Variants in TAFA2 observed in about 807,000 individuals in gnomAD.
TAFA2 encodes chemokine-like protein TAFA-2.
A neutral mutation model predicts 18.8 loss-of-function variants in TAFA2; 7 were observed. That is an observed-to-expected ratio of 0.37 (90% CI 0.21 to 0.70). TAFA2 has a LOEUF of 0.70. Ranked by LOEUF, TAFA2 falls within the 30% of genes least tolerant of loss-of-function variation. TAFA2 has a pLI of 0.53. For synonymous variants in TAFA2, 60 were observed against 54.2 expected, an observed-to-expected ratio of 1.11 and a Z score of -0.47; for missense variants, 122 against 158.1, an observed-to-expected ratio of 0.77 and a Z score of 1.23.
intron 2 of TAFA2, among the ~76,000 whole-genome samples, chr12:61,837,387 G>A (rs1187075799): frequency 6.6e-6 from 1 of 151,846 alleles, no homozygotes; most frequent in Non-Finnish European, 1.5e-5. Flanking sequence ...TTGTTCTTTA[G>A]AGACATCATA....
rs145257432 is a variant in TAFA2, at chr12:62,075,695, C to T, written c.-2+115564G>A. The stretch of plus-strand genomic sequence containing the variant: ...ACATACACGCATATATATATACATA[C>T]GCACACATATATATTGTTTTATGGT... On this transcript the variant is annotated intron_variant, in intron 1 of 4. Transcript: ENST00000416284. Among the ~76,000 whole-genome samples, 287 of 152,292 alleles carry T rather than the reference C, an allele frequency of 1.9e-3. 2 individuals are homozygous for T. The Middle Eastern group carries it at 0.02, about 11-fold the overall frequency.
intron 1 of TAFA2, among the ~76,000 whole-genome samples, chr12:62,249,792 T>G (rs926217035): frequency 6.6e-6 from 1 of 152,184 alleles, no homozygotes. Context: ...CTTTTTTCTT[T>G]AAGAGCAAGA....
At chr12:62,013,209 A>G (rs941751240) in intron 1 of TAFA2, among the ~76,000 whole-genome samples, 10 of 152,192 alleles carry the variant, frequency 6.6e-5, no homozygotes, top group African/African-American at 2.4e-4. Flanking sequence ...TACTACATGG[A>G]ATTCAGTGAG....
At chr12:61,857,227 G>A (rs1873921917) in intron 2 of TAFA2, among the ~76,000 whole-genome samples, 2 of 151,764 alleles carry the variant, frequency 1.3e-5, no homozygotes, top group Admixed American at 6.6e-5. Flanking sequence ...ACATTGAGTT[G>A]GCAAATAAAT....
At chr12:62,167,030 A>G (rs1234519773) in intron 1 of TAFA2, among the ~76,000 whole-genome samples, 1 of 152,190 alleles carries the variant, frequency 6.6e-6, no homozygotes, top group African/African-American at 2.4e-5. Context: ...CGATGTTTCC[A>G]TATGCCACAA....
rs11174187 is a variant in TAFA2 at position 61,822,255 on chromosome 12, G to A, written c.106+45065C>T. On this transcript the variant is annotated intron_variant, in intron 2 of 4. Coordinates refer to ENST00000416284, the MANE Select transcript of TAFA2 (RefSeq NM_178539.5). ...AAATATTGAGAAGTAGTTCTCTCAC[G>A]TCTAAATCTTGTAACCTGAGCACCG... Among the ~76,000 whole-genome samples, 1,418 of 152,096 alleles carry A rather than the reference G, an allele frequency of 9.3e-3. 17 individuals are homozygous for A. Among genetic ancestry groups the A allele is most frequent in the East Asian group, 0.056 (290 of 5,164 alleles).
intron 1 of TAFA2, among the ~76,000 whole-genome samples, chr12:62,230,512 T>C (rs902654921): frequency 1.3e-5 from 2 of 152,240 alleles, no homozygotes. Context: ...ATGATTTCTA[T>C]GGTTTTCAAA....
At chr12:62,126,405 G>A (rs372814663) in intron 1 of TAFA2, among the ~76,000 whole-genome samples, 2 of 152,072 alleles carry the variant, frequency 1.3e-5, no homozygotes, top group Middle Eastern at 3.2e-3. Flanking sequence ...AGCTGTTCAG[G>A]AATGTTTTTA....
Position 61,874,038 on chromosome 12 carries a change from T to G in TAFA2, c.-1-6612A>C, listed in dbSNP as rs567984267. On this transcript the variant is annotated intron_variant, in intron 1 of 4. Transcript: ENST00000416284. ...GGTGGTTGATTTTAATCATTTTAATTACTACAGTTTTTCTTTTCACTTCAT... is the reference window on the plus strand; with the variant it reads ...GGTGGTTGATTTTAATCATTTTAATGACTACAGTTTTTCTTTTCACTTCAT... 2.9e-3 allele frequency among the ~76,000 whole-genome samples: 449 copies of G among 152,304 alleles called. 3 individuals are homozygous for G. Among genetic ancestry groups the G allele is most frequent in the Non-Finnish European group, 4.5e-3 (306 of 67,980 alleles).
intron 2 of TAFA2, among the ~76,000 whole-genome samples, chr12:61,769,902 G>A (rs1368450112): frequency 6.6e-6 from 1 of 152,072 alleles, no homozygotes; most frequent in Admixed American, 6.6e-5. Flanking sequence ...TATCTGGATT[G>A]CCAGAAAAAG....
At chr12:61,740,233 A>G (rs1211596967) in intron 4 of TAFA2, among the ~76,000 whole-genome samples, 4 of 152,046 alleles carry the variant, frequency 2.6e-5, no homozygotes, top group Non-Finnish European at 5.9e-5. Context: ...ACAGGAACAG[A>G]AAACCAAAAC....
At chr12:61,966,080 A>G (rs968533897) in intron 1 of TAFA2, among the ~76,000 whole-genome samples, 1 of 151,838 alleles carries the variant, frequency 6.6e-6, no homozygotes, top group Admixed American at 6.6e-5. Flanking sequence ...AGGAACTGCC[A>G]TACTATTTTC....
chr12:62,167,868 A>T (rs73315684), intron 1 of TAFA2, among the ~76,000 whole-genome samples: 2,661 of 152,252 alleles, frequency 0.017, 85 homozygotes, highest in African/African-American at 0.061. Context: ...AAAGACTCAC[A>T]ACCCAACTTG....
intron 1 of TAFA2, among the ~76,000 whole-genome samples, chr12:62,179,639 C>A (rs1161021183): frequency 4.6e-5 from 7 of 152,148 alleles, no homozygotes; most frequent in Non-Finnish European, 8.8e-5. Context: ...TATGGTCTTA[C>A]TTCAGTGCAT....
At chr12:61,975,614 A>C (rs1365536527) in intron 1 of TAFA2, among the ~76,000 whole-genome samples, 1 of 150,742 alleles carries the variant, frequency 6.6e-6, no homozygotes, top group African/African-American at 2.4e-5. Flanking sequence ...GCTATTGTGA[A>C]TAATGCTGCA....
chr12:62,064,768 C>G (rs1882443682), intron 1 of TAFA2, among the ~76,000 whole-genome samples: 1 of 152,000 alleles, frequency 6.6e-6, no homozygotes, highest in African/African-American at 2.4e-5. Context: ...ATGTATTAAT[C>G]CATCTGCAAA....
chr12:61,715,209 T>G (rs1312181049), intron 4 of TAFA2, among the ~76,000 whole-genome samples: 1 of 152,228 alleles, frequency 6.6e-6, no homozygotes, highest in Non-Finnish European at 1.5e-5. Context: ...CTGTTGCTTA[T>G]AGTGATTCAT....
chr12:61,995,800 T>C (rs1392866295), intron 1 of TAFA2, among the ~76,000 whole-genome samples: 1 of 152,146 alleles, frequency 6.6e-6, no homozygotes, highest in Non-Finnish European at 1.5e-5. Flanking sequence ...TAAAGTTTCC[T>C]TGGAGGTTGA....
intron 2 of TAFA2, among the ~76,000 whole-genome samples, chr12:61,782,030 G>T (rs1335892834): frequency 1.3e-5 from 2 of 151,586 alleles, no homozygotes; most frequent in Non-Finnish European, 3.0e-5. Flanking sequence ...AGTGGGATTT[G>T]AGACTAGGAG....
Sources: gnomAD v4.1 joint callset for allele counts (sites outside exome capture counted in the v4.1 genomes callset) on GRCh38, gnomAD v4.1.1 for gene constraint, MANE v1.5 for transcripts, NCBI Gene and HGNC (gene_info 2026-07-23, HGNC 2026-07-21) for gene names.